PIEZO2: variants seen among roughly 807,000 people sequenced by gnomAD.
The protein encoded by PIEZO2 is piezo-type mechanosensitive ion channel component 2.
A neutral mutation model predicts 337.3 loss-of-function variants in PIEZO2; 172 were observed. The observed-to-expected ratio is 0.51, with a 90% confidence interval of 0.45 to 0.58. PIEZO2 has a LOEUF of 0.58. Among genes scored for constraint, PIEZO2 ranks in the 20% least tolerant of loss-of-function variants. The pLI, the probability that PIEZO2 is intolerant of heterozygous loss-of-function variation, is 0.00. For synonymous variants in PIEZO2, 1,251 were observed against 1,228.5 expected (o/e 1.02, Z -0.38); for missense variants, 3,028 against 3,391.3 (o/e 0.89, Z 2.66).
In PIEZO2 at chr18:10,759,692, AG is replaced by A; in HGVS notation, c.3655+12del. ...TTCTAAAAGTAGACGGCTCAAGGGA[AG>A]GGCAGGCTCACCTCGGCAAGGAGCA... is the stretch of plus-strand genomic sequence containing the variant. On this transcript the variant is annotated intron_variant, in intron 25 of 55. Transcript: ENST00000674853. The surrounding 1 kb of genome is among the most constrained non-coding windows in gnomAD (Gnocchi z 5.5). 1 of 1,537,224 alleles carries A rather than the reference AG, an allele frequency of 6.5e-7. No homozygotes were observed. The highest frequency in any genetic ancestry group is 2.4e-5 in the East Asian group (1 of 40,922).
intron 27 of PIEZO2, among the ~76,000 whole-genome samples, chr18:10,753,733 A>C (rs1490147674): frequency 6.6e-6 from 1 of 152,218 alleles, no homozygotes. Flanking sequence ...TAAAATATGC[A>C]CTACACTTGA....
intron 8 of PIEZO2, among the ~76,000 whole-genome samples, chr18:10,805,674 A>T (rs547747866): frequency 5.2e-5 from 8 of 152,382 alleles, no homozygotes; most frequent in African/African-American, 1.7e-4. Context: ...AATATAACAC[A>T]ACATGACTGG....
chr18:11,002,415 T>A lies in PIEZO2; in HGVS notation c.161-22755A>T, dbSNP rs2035576459. ...ATTCAAGAAATTCCCTAGGAGGCAT[T>A]CCATTGATGATATCTGAGAGTCAGT... On this transcript the variant is annotated intron_variant, in intron 2 of 55. Coordinates refer to ENST00000674853, the MANE Select transcript of PIEZO2 (RefSeq NM_001378183.1). This position sits in a 1 kb window ranked among gnomAD's most constrained non-coding sequence, Gnocchi z 4.3. 6.6e-6 allele frequency among the ~76,000 whole-genome samples: 1 copy of A among 152,200 alleles called. No individual in the cohort carries two copies. The highest frequency in any genetic ancestry group is 1.5e-5 in the Non-Finnish European group (1 of 68,036).
chr18:10,725,492 G>T, intron 36 of PIEZO2: 1 of 1,476,406 alleles, frequency 6.8e-7, no homozygotes, highest in South Asian at 1.2e-5. Flanking sequence ...TGGATGGGTA[G>T]GCATGAAAGG....
At position 10,923,518 on chromosome 18, in the gene PIEZO2, C is replaced by T. The variant is rs78199170; in HGVS notation, c.287-12290G>A. On this transcript the variant is annotated intron_variant, in intron 3 of 55. Transcript: ENST00000674853. ...AGACCTGTGTCTGAGCAAGAGGCCA[C>T]GTTAGAGAATCTCCCTAAGGACAGC... is the stretch of plus-strand genomic sequence containing the variant. Among the ~76,000 whole-genome samples the T allele has an allele frequency of 8.3e-3, 1,263 of 151,510 alleles. 28 individuals carry two copies. The highest frequency in any genetic ancestry group is 0.028 in the African/African-American group (1,171 of 41,522).
At chr18:10,709,067 C>A (rs1194641985) in intron 39 of PIEZO2, 1 of 152,070 alleles carries the variant, frequency 6.6e-6, no homozygotes, top group African/African-American at 2.4e-5. Context: ...TATAAACCAA[C>A]ATCAGAAATA....
chr18:11,057,082 A>G (rs2037756551), intron 2 of PIEZO2, among the ~76,000 whole-genome samples: 1 of 151,882 alleles, frequency 6.6e-6, no homozygotes, highest in African/African-American at 2.4e-5. Flanking sequence ...CTGACAGTGA[A>G]GAGGCCCAGG....
chr18:11,119,539 T>C (rs2039978481), intron 1 of PIEZO2, among the ~76,000 whole-genome samples: 2 of 152,248 alleles, frequency 1.3e-5, no homozygotes, highest in African/African-American at 2.4e-5. Context: ...AAGAACTGTG[T>C]TTGTGGCTTT....
intron 4 of PIEZO2, among the ~76,000 whole-genome samples, chr18:10,889,637 A>C (rs1027245955): frequency 1.3e-5 from 2 of 152,204 alleles, no homozygotes; most frequent in Non-Finnish European, 2.9e-5. Context: ...TGAATTAGAA[A>C]TGGCCAAAGA....
At position 11,111,416 on chromosome 18, in the gene PIEZO2, T is replaced by G. The variant is rs1247817314; in HGVS notation, c.64+37109A>C. On this transcript the variant is annotated intron_variant, in intron 1 of 55. Coordinates refer to ENST00000674853, the MANE Select transcript of PIEZO2 (RefSeq NM_001378183.1). This position sits in a 1 kb window ranked among gnomAD's most constrained non-coding sequence, Gnocchi z 6.2. ...TTCATAAAAACCTAGATTTCCAATT[T>G]CTTTTTAAAAAATTATACCATCTGG... 1.3e-5 allele frequency among the ~76,000 whole-genome samples: 2 copies of G among 152,346 alleles called. No homozygotes were observed. The highest frequency in any genetic ancestry group is 4.1e-4 in the South Asian group (2 of 4,824).
At chr18:11,020,455 T>C (rs1332717314) in intron 2 of PIEZO2, among the ~76,000 whole-genome samples, 1 of 152,204 alleles carries the variant, frequency 6.6e-6, no homozygotes, top group East Asian at 1.9e-4. Flanking sequence ...TAGGTACTTC[T>C]GATTTGCACA....
intron 2 of PIEZO2, among the ~76,000 whole-genome samples, chr18:10,983,098 G>A (rs1023901411): frequency 2.0e-5 from 3 of 152,114 alleles, no homozygotes; most frequent in African/African-American, 7.2e-5. Context: ...ACCATATATT[G>A]CTCAGAAACA....
At chr18:10,935,270 T>C (rs79350620) in intron 3 of PIEZO2, among the ~76,000 whole-genome samples, 1 of 152,132 alleles carries the variant, frequency 6.6e-6, no homozygotes, top group African/African-American at 2.4e-5. Flanking sequence ...AATAGAAAGA[T>C]TTGCTTGCCT....
intron 1 of PIEZO2, among the ~76,000 whole-genome samples, chr18:11,095,760 C>T (rs946661514): frequency 2.0e-5 from 3 of 152,134 alleles, no homozygotes; most frequent in South Asian, 2.1e-4. Context: ...GGACTTCAAC[C>T]GATTTGGAAG....
Position 10,715,668 on chromosome 18 carries a change from C to A in PIEZO2, c.5238G>T (p.Leu1746=). ...GTGTTACCTTCTTAATTTCTCTGGT[C>A]AGCATGCATCGTTCAATTCTCAGAA... ...STVLRIERCM[L]TREIKKGNVP... Residue 1746 remains leucine, a synonymous_variant, in exon 38 of 56, where the codon CTG becomes CTT. Coordinates refer to ENST00000674853, the MANE Select transcript of PIEZO2 (RefSeq NM_001378183.1). 2 of 1,533,152 alleles carry A rather than the reference C, an allele frequency of 1.3e-6. No individual in the cohort carries two copies. The highest frequency in any genetic ancestry group is 2.4e-5 in the South Asian group (2 of 82,662). 95.0% of individuals were successfully genotyped at this position (1,533,152 alleles called of 1,614,324 possible). A position where few individuals can be genotyped will look rare whatever the true frequency, so the allele number is the denominator to read the frequency against.
rs1357486079 is a variant in PIEZO2, at chr18:11,078,811, G to T, written c.65-12589C>A. 6.6e-6 allele frequency among the ~76,000 whole-genome samples: 1 copy of T among 152,202 alleles called. No homozygotes were observed. Among genetic ancestry groups the T allele is most frequent in the Non-Finnish European group, 1.5e-5 (1 of 68,040 alleles). On this transcript the variant is annotated intron_variant, in intron 1 of 55. Coordinates refer to ENST00000674853, the MANE Select transcript of PIEZO2 (RefSeq NM_001378183.1). The surrounding 1 kb of genome is among the most constrained non-coding windows in gnomAD (Gnocchi z 5.3). Reference sequence around the variant, plus strand: ...GATCTCTTCAGTCTCTACCTACTCAGAGTATTTGGCCTTACATTTCATCGA... The same window carrying T: ...GATCTCTTCAGTCTCTACCTACTCATAGTATTTGGCCTTACATTTCATCGA...
intron 1 of PIEZO2, among the ~76,000 whole-genome samples, chr18:11,067,103 G>T (rs1429123311): frequency 1.3e-5 from 2 of 152,008 alleles, no homozygotes; most frequent in South Asian, 2.1e-4. Context: ...AAGACAGAAA[G>T]AAATGAAAAA....
chr18:11,106,480 T>A (rs906514046), intron 1 of PIEZO2, among the ~76,000 whole-genome samples: 22 of 148,794 alleles, frequency 1.5e-4, no homozygotes, highest in African/African-American at 5.3e-4. Flanking sequence ...CAATCATAGC[T>A]CATTGTAACC....
rs192150718 is a variant in PIEZO2 at position 10,895,185 on chromosome 18, C to T, written c.329+16001G>A. Among the ~76,000 whole-genome samples, 49 of 152,296 alleles carry T rather than the reference C, an allele frequency of 3.2e-4. No homozygotes were observed. The highest frequency in any genetic ancestry group is 1.2e-3 in the African/African-American group (49 of 41,558). ...TCATGGCCGAGCATGGTGGCTCATG[C>T]CTGTAATCCCAGCATTTTGGGAGGC... is the stretch of plus-strand genomic sequence containing the variant. On this transcript the variant is annotated intron_variant, in intron 4 of 55. Coordinates refer to ENST00000674853, the MANE Select transcript of PIEZO2 (RefSeq NM_001378183.1). The surrounding 1 kb of genome is among the most constrained non-coding windows in gnomAD (Gnocchi z 4.8).
Sources: gnomAD v4.1 joint callset for allele counts (sites outside exome capture counted in the v4.1 genomes callset) on GRCh38, gnomAD v4.1.1 for gene constraint, Gnocchi (gnomAD v3.1) non-coding constraint, MANE v1.5 for transcripts, NCBI Gene and HGNC (gene_info 2026-07-23, HGNC 2026-07-21) for gene names.